Variants in TRIM2 observed in about 807,000 individuals in gnomAD.
TRIM2 encodes tripartite motif-containing protein 2.
A neutral mutation model predicts 75.2 loss-of-function variants in TRIM2; 20 were observed. The observed-to-expected ratio is 0.27, with a 90% confidence interval of 0.19 to 0.39. The LOEUF is 0.39. TRIM2 is among the 10% of genes least tolerant of loss of function. The pLI is 1.00. For synonymous variants in TRIM2, 373 were observed against 388.3 expected, an observed-to-expected ratio of 0.96 and a Z score of 0.46; for missense variants, 660 against 990.8, an observed-to-expected ratio of 0.67 and a Z score of 4.48.
intron 6 of TRIM2, among the ~76,000 whole-genome samples, chr4:153,303,689 T>G (rs1001765511): frequency 2.0e-5 from 3 of 152,226 alleles, no homozygotes; most frequent in African/African-American, 7.2e-5. Context: ...CATACTAAGC[T>G]TTTTGTAGCA....
intron 1 of TRIM2, among the ~76,000 whole-genome samples, chr4:153,263,137 C>T (rs1753997895): frequency 6.6e-6 from 1 of 152,120 alleles, no homozygotes; most frequent in South Asian, 2.1e-4. Flanking sequence ...CCGAAACCAG[C>T]TGTGCAACAT....
intron 1 of TRIM2, among the ~76,000 whole-genome samples, chr4:153,214,559 G>A (rs975099089): frequency 6.6e-6 from 1 of 152,180 alleles, no homozygotes; most frequent in Non-Finnish European, 1.5e-5. Context: ...TTTGTCCAAA[G>A]CAGCCTCTCA....
At chr4:153,189,884 A>T (rs1733007509) in intron 1 of TRIM2, among the ~76,000 whole-genome samples, 2 of 152,214 alleles carry the variant, frequency 1.3e-5, no homozygotes, top group African/African-American at 4.8e-5. Context: ...TGTAGTTTTG[A>T]ATTGAAGTGG....
chr4:153,295,638 T>C lies in TRIM2; in HGVS notation c.1112T>C (p.Met371Thr). ...GLRQTIIGQP[M>T]SVTITTKDKD... is the part of the protein sequence containing the mutation. ...CGGCAGACCATCATCGGGCAGCCCA[T>C]GTCCGTCACCATCACCACCAAGGAC... is the stretch of plus-strand genomic sequence containing the variant. Residue 371 changes from methionine (M) to threonine (T), a missense_variant, in exon 6 of 12, where the codon ATG becomes ACG. By Grantham distance (81) the Met-to-Thr change is moderately conservative. This residue lies in a region of TRIM2 where 620 missense variants were observed against 891.0 expected (regional missense o/e 0.70). Transcript: ENST00000338700. The surrounding 1 kb of genome is among the most constrained non-coding windows in gnomAD (Gnocchi z 7.2). 1 of 1,613,974 alleles carries C rather than the reference T, an allele frequency of 6.2e-7. No homozygotes were observed. The highest frequency in any genetic ancestry group is 8.5e-7 in the Non-Finnish European group (1 of 1,179,988).
At position 153,248,376 on chromosome 4, in the gene TRIM2, C is replaced by T. The variant is rs547013600; in HGVS notation, c.31-21959C>T. On this transcript the variant is annotated intron_variant, in intron 1 of 11. Coordinates refer to ENST00000338700, the MANE Select transcript of TRIM2 (RefSeq NM_015271.5). This position sits in a 1 kb window ranked among gnomAD's most constrained non-coding sequence, Gnocchi z 4.0. ...ATGTAGTCAGTACCCTTGTCATCCCCCGTACACTTGAGGTAATTGAGGAAT... is the reference window on the plus strand; with the variant it reads ...ATGTAGTCAGTACCCTTGTCATCCCTCGTACACTTGAGGTAATTGAGGAAT... Among the ~76,000 whole-genome samples the T allele has an allele frequency of 6.6e-6, 1 of 152,302 alleles. No homozygotes were observed. Among genetic ancestry groups the T allele is most frequent in the South Asian group, 2.1e-4 (1 of 4,828 alleles).
chr4:153,327,415 C>G (rs1770488969), intron 10 of TRIM2, among the ~76,000 whole-genome samples: 1 of 152,136 alleles, frequency 6.6e-6, no homozygotes, highest in African/African-American at 2.4e-5. Context: ...TGAGATCATC[C>G]CCAAATGAAG....
intron 1 of TRIM2, among the ~76,000 whole-genome samples, chr4:153,232,245 G>GC (rs1743842762): frequency 6.6e-6 from 1 of 152,174 alleles, no homozygotes; most frequent in South Asian, 2.1e-4. Context: ...AGGCGAGGTG[G>GC]CTGACGCCTG....
At chr4:153,323,701 C>T (rs1212479653) in intron 9 of TRIM2, among the ~76,000 whole-genome samples, 3 of 152,132 alleles carry the variant, frequency 2.0e-5, no homozygotes, top group Non-Finnish European at 4.4e-5. Context: ...TGAGTTGCCA[C>T]GTCTTTCCTT....
chr4:153,241,431 T>G (rs538786524), intron 1 of TRIM2, among the ~76,000 whole-genome samples: 2 of 152,226 alleles, frequency 1.3e-5, no homozygotes, highest in African/African-American at 4.8e-5. Flanking sequence ...CACAGGTTTG[T>G]GGGCGAGACA....
chr4:153,172,333 G>A (rs1031880106), intron 1 of TRIM2, among the ~76,000 whole-genome samples: 25 of 152,076 alleles, frequency 1.6e-4, no homozygotes, highest in Admixed American at 9.8e-4. Context: ...GACTACAGGC[G>A]CCCGCCACCG....
chr4:153,328,407 T>C (rs1770711359), intron 10 of TRIM2, 123 bp from the exon 11 acceptor site: 2 of 880,362 alleles, frequency 2.3e-6, no homozygotes, highest in South Asian at 4.4e-5. Flanking sequence ...TTTCTTTTTT[T>C]AGAATGTCTT....
intron 1 of TRIM2, among the ~76,000 whole-genome samples, chr4:153,244,153 G>GTTCTTCTTC (rs751441750): frequency 1.7e-4 from 19 of 111,294 alleles, no homozygotes; most frequent in African/African-American, 3.7e-4. Context: ...TGTTCTTCTT[G>GTTCTTCTTC]TTCTTCTTCT....
chr4:153,273,130 C>A (rs1757135895), intron 2 of TRIM2, among the ~76,000 whole-genome samples: 1 of 152,072 alleles, frequency 6.6e-6, no homozygotes, highest in Non-Finnish European at 1.5e-5. Flanking sequence ...AGTCACTGCG[C>A]CCGGTGGGGA....
chr4:153,272,771 GAGA>G (rs59105577), intron 2 of TRIM2, among the ~76,000 whole-genome samples: 6,834 of 152,278 alleles, frequency 0.045, 483 homozygotes, highest in African/African-American at 0.16. Context: ...GCGTCCAGCC[GAGA>G]AGATTTCTGT....
intron 1 of TRIM2, among the ~76,000 whole-genome samples, chr4:153,225,205 A>G (rs970867494): frequency 4.6e-5 from 7 of 152,194 alleles, no homozygotes; most frequent in Admixed American, 2.0e-4. Context: ...ATGAAAAATG[A>G]CACTGCTTGG....
chr4:153,308,328 A>C, intron 6 of TRIM2: 1 of 1,350,124 alleles, frequency 7.4e-7, no homozygotes, highest in Non-Finnish European at 1.1e-6. Context: ...TTCCTTGTAG[A>C]CTCTGTTAAT....
At chr4:153,204,653 T>G in intron 1 of TRIM2, 93 bp downstream of exon 1, 2 of 1,480,978 alleles carry the variant, frequency 1.4e-6, no homozygotes, top group Non-Finnish European at 1.8e-6. Flanking sequence ...GGTTGCTACT[T>G]TTTCCTGGTT....
intron 2 of TRIM2, among the ~76,000 whole-genome samples, chr4:153,273,991 T>G (rs1273868013): frequency 6.6e-6 from 1 of 152,184 alleles, no homozygotes; most frequent in African/African-American, 2.4e-5. Context: ...GAGGAAGAAC[T>G]TAAATAAGTC....
chr4:153,259,721 A>G (rs1752941016), intron 1 of TRIM2, among the ~76,000 whole-genome samples: 1 of 152,112 alleles, frequency 6.6e-6, no homozygotes, highest in Non-Finnish European at 1.5e-5. Flanking sequence ...TCAGAGTAGA[A>G]TTTGCTCCAT....
Sources: allele counts gnomAD v4.1 joint callset (sites outside exome capture counted in the v4.1 genomes callset), GRCh38; gene constraint gnomAD v4.1.1; regional missense constraint gnomAD v4.1.1; non-coding constraint Gnocchi (gnomAD v3.1); transcripts MANE v1.5; gene names NCBI Gene and HGNC (gene_info 2026-07-23, HGNC 2026-07-21).